Variants in ESRRG observed in about 807,000 individuals in gnomAD.
ESRRG encodes estrogen-related receptor gamma.
Under a neutral mutation model 44.0 loss-of-function variants are expected in ESRRG, and 13 were observed. The ratio of observed to expected loss-of-function variants is 0.30; its 90% CI spans 0.19 to 0.47. The LOEUF (loss-of-function observed/expected upper bound fraction) is 0.47. Ranked by LOEUF, ESRRG falls within the 20% of genes least tolerant of loss-of-function variation. ESRRG has a pLI of 1.00. For missense variants in ESRRG, 395 were observed against 580.6 expected, an observed-to-expected ratio of 0.68 and a Z score of 3.29; for synonymous variants, 215 against 214.6, an observed-to-expected ratio of 1.00 and a Z score of -0.02.
intron 2 of ESRRG, among the ~76,000 whole-genome samples, chr1:216,787,599 CAAAAAAAAAA>C (rs34433548): frequency 1.0e-4 from 8 of 76,440 alleles, no homozygotes; most frequent in South Asian, 5.3e-4. Flanking sequence ...AAGACTCCAT[CAAAAAAAAAA>C]AAAAAAAAAA....
At chr1:217,015,196 G>T (rs1199065344) in intron 1 of ESRRG, among the ~76,000 whole-genome samples, 2 of 152,178 alleles carry the variant, frequency 1.3e-5, no homozygotes, top group African/African-American at 4.8e-5. Context: ...TGAAAATAGT[G>T]CAGGGGCTGA....
At chr1:216,535,815 C>T (rs2050769433) in intron 5 of ESRRG, among the ~76,000 whole-genome samples, 1 of 152,116 alleles carries the variant, frequency 6.6e-6, no homozygotes, top group African/African-American at 2.4e-5. Context: ...GTCTGCCTAT[C>T]TGTTTATCTG....
chr1:216,807,096 T>G (rs2148403774), intron 2 of ESRRG, among the ~76,000 whole-genome samples: 1 of 152,278 alleles, frequency 6.6e-6, no homozygotes, highest in African/African-American at 2.4e-5. Flanking sequence ...TAACTGACAA[T>G]TAACAATCAA....
intron 1 of ESRRG, among the ~76,000 whole-genome samples, chr1:217,062,239 T>G (rs2151364760): frequency 6.6e-6 from 1 of 152,240 alleles, no homozygotes; most frequent in African/African-American, 2.4e-5. Flanking sequence ...TGCATGACAC[T>G]CTGGCACTCT....
At chr1:216,876,189 A>G (rs952414669) in intron 2 of ESRRG, among the ~76,000 whole-genome samples, 5 of 120,922 alleles carry the variant, frequency 4.1e-5, no homozygotes, top group Non-Finnish European at 8.1e-5. Flanking sequence ...TTAAAATATT[A>G]TTTTCTGATA....
intron 2 of ESRRG, among the ~76,000 whole-genome samples, chr1:216,856,991 T>C (rs1377494774): frequency 2.0e-5 from 3 of 152,216 alleles, no homozygotes; most frequent in Admixed American, 1.3e-4. Flanking sequence ...AGAAGGCTAT[T>C]AATATTGCTC....
intron 2 of ESRRG, among the ~76,000 whole-genome samples, chr1:216,886,205 C>A (rs761148072): frequency 6.6e-6 from 1 of 152,150 alleles, no homozygotes; most frequent in Admixed American, 6.6e-5. Context: ...CTATATGCAT[C>A]CACTTCATTT....
chr1:217,006,568 T>G (rs778837730), intron 1 of ESRRG, among the ~76,000 whole-genome samples: 8 of 152,114 alleles, frequency 5.3e-5, no homozygotes, highest in Non-Finnish European at 1.2e-4. Context: ...AGAAGTGTTT[T>G]CGATTTTGGA....
intron 1 of ESRRG, among the ~76,000 whole-genome samples, chr1:216,979,130 A>T (rs1054254507): frequency 2.0e-5 from 3 of 152,092 alleles, no homozygotes; most frequent in Non-Finnish European, 4.4e-5. Flanking sequence ...TTGACTTTTC[A>T]AACTGCAAAG....
At chr1:216,767,944 T>A (rs1221993210) in intron 2 of ESRRG, among the ~76,000 whole-genome samples, 2 of 152,132 alleles carry the variant, frequency 1.3e-5, no homozygotes, top group Non-Finnish European at 2.9e-5. Flanking sequence ...TAAAATAAAA[T>A]TTTTAAAGTC....
intron 1 of ESRRG, among the ~76,000 whole-genome samples, chr1:216,948,476 C>CAAAAA (rs5780948): frequency 1.9e-5 from 2 of 103,362 alleles, no homozygotes; most frequent in African/African-American, 3.7e-5. Flanking sequence ...GACTCCATCT[C>CAAAAA]AAAAAAAAAA....
chr1:216,710,016 AAG>A (rs2083279770), intron 1 of ESRRG, among the ~76,000 whole-genome samples: 1 of 152,180 alleles, frequency 6.6e-6, no homozygotes, highest in Admixed American at 6.5e-5. Context: ...GTTTTAAAAA[AAG>A]AGAAAATGAG....
chr1:216,895,662 G>A (rs2058332799), intron 2 of ESRRG, among the ~76,000 whole-genome samples: 2 of 152,140 alleles, frequency 1.3e-5, no homozygotes, highest in Admixed American at 1.3e-4. Context: ...TTCTAATGAT[G>A]GAGATGTTAG....
chr1:216,622,053 G>C (rs1304247436), intron 3 of ESRRG, among the ~76,000 whole-genome samples: 1 of 152,128 alleles, frequency 6.6e-6, no homozygotes, highest in Non-Finnish European at 1.5e-5. Context: ...GTGAATAGTT[G>C]GCATGGAATT....
chr1:217,120,090 A>G (rs1250546173), intron 1 of ESRRG, among the ~76,000 whole-genome samples: 1 of 152,154 alleles, frequency 6.6e-6, no homozygotes, highest in Non-Finnish European at 1.5e-5. Context: ...AGTAATAGAA[A>G]TATGATTAAT....
rs553415761 is a variant in ESRRG at position 217,006,873 on chromosome 1, C to A, written c.-105-67200G>T. 3.2e-4 allele frequency among the ~76,000 whole-genome samples: 48 copies of A among 152,096 alleles called. No individual in the cohort carries two copies. The East Asian group carries it at 8.9e-3, about 28-fold the overall frequency. ...TTGGGATTTTCAGATTAGGCATGCT[C>A]CACCTGTATTTAGTAAACTGAACTG... On this transcript the variant is annotated intron_variant, in intron 1 of 7. Coordinates refer to the ESRRG transcript ENST00000359162.
intron 1 of ESRRG, among the ~76,000 whole-genome samples, chr1:216,711,232 A>T (rs914564834): frequency 6.6e-6 from 1 of 152,258 alleles, no homozygotes; most frequent in South Asian, 2.1e-4. Flanking sequence ...CTGGGGGTCA[A>T]ATGGTGGCTC....
chr1:216,581,000 T>C (rs1257564774), intron 3 of ESRRG, among the ~76,000 whole-genome samples: 1 of 152,212 alleles, frequency 6.6e-6, no homozygotes, highest in African/African-American at 2.4e-5. Flanking sequence ...AAAAGATCAA[T>C]GTCTGTTGCA....
chr1:216,890,510 T>A (rs2057629147), intron 2 of ESRRG, among the ~76,000 whole-genome samples: 1 of 152,194 alleles, frequency 6.6e-6, no homozygotes, highest in South Asian at 2.1e-4. Flanking sequence ...GGGGAAATCT[T>A]AAATATAACT....
Sources: allele counts gnomAD v4.1 joint callset (sites outside exome capture counted in the v4.1 genomes callset), GRCh38; gene constraint gnomAD v4.1.1; transcripts MANE v1.5; gene names NCBI Gene and HGNC (gene_info 2026-07-23, HGNC 2026-07-21).